Variants in GPBP1L1 observed in about 807,000 individuals in gnomAD.
GPBP1L1 encodes GC-rich promoter binding protein 1 like 1, also known as vasculin-like protein 1.
A neutral mutation model predicts 52.5 loss-of-function variants in GPBP1L1; 23 were observed. The ratio of observed to expected loss-of-function variants is 0.44; its 90% CI spans 0.32 to 0.62. The LOEUF (loss-of-function observed/expected upper bound fraction) is 0.62, where lower values mean the gene tolerates loss of function less well. GPBP1L1 is among the 20% of genes least tolerant of loss of function. The pLI is 0.06. For synonymous variants in GPBP1L1, 243 were observed against 203.1 expected, an observed-to-expected ratio of 1.20 and a Z score of -1.67; for missense variants, 596 against 579.3, an observed-to-expected ratio of 1.03 and a Z score of -0.30.
At chr1:45,652,007 G>C (rs1428232192) in intron 6 of GPBP1L1, among the ~76,000 whole-genome samples, 1 of 152,168 alleles carries the variant, frequency 6.6e-6, no homozygotes, top group Non-Finnish European at 1.5e-5. Context: ...ATTTGCTATA[G>C]AGTAGTAAAA....
chr1:45,633,764 C>T (rs1203122223), intron 9 of GPBP1L1, 117 bp from the exon 10 acceptor site: 201 of 1,076,550 alleles, frequency 1.9e-4, no homozygotes, highest in Non-Finnish European at 1.1e-4. Flanking sequence ...TGTCTTAAAC[C>T]AAACAATCCT....
intron 2 of GPBP1L1, among the ~76,000 whole-genome samples, chr1:45,665,577 C>T (rs887967428): frequency 5.9e-5 from 9 of 151,694 alleles, no homozygotes; most frequent in African/African-American, 1.9e-4. Flanking sequence ...CCTGTCTCTG[C>T]TAAAAATACA....
At position 45,640,447 on chromosome 1, in the gene GPBP1L1, T is replaced by C. The variant is rs1363903167; in HGVS notation, c.551-44A>G. Reference sequence around the variant, plus strand: ...GAGAGACAACAGAATGTCAAACCTGTTGTGTAACATGAAGCATAGTTTATA... The same window carrying C: ...GAGAGACAACAGAATGTCAAACCTGCTGTGTAACATGAAGCATAGTTTATA... On this transcript the variant is annotated intron_variant, in intron 7 of 12. Transcript: ENST00000355105. 4 of 1,495,614 alleles carry C rather than the reference T, an allele frequency of 2.7e-6. No individual in the cohort carries two copies. In the Admixed American group the frequency reaches 6.7e-5, roughly 25 times the overall value. 92.6% of individuals were successfully genotyped at this position (1,495,614 alleles called of 1,614,324 possible).
chr1:45,675,286 ACT>A (rs1326369524), intron 2 of GPBP1L1, among the ~76,000 whole-genome samples: 1 of 151,968 alleles, frequency 6.6e-6, no homozygotes, highest in African/African-American at 2.4e-5. Context: ...ACAGAGCGAG[ACT>A]CTGTCTCAAA....
intron 2 of GPBP1L1, among the ~76,000 whole-genome samples, chr1:45,669,618 C>A (rs908608733): frequency 9.8e-6 from 1 of 102,490 alleles, no homozygotes; most frequent in Admixed American, 8.9e-5. Flanking sequence ...TTGGGTATGA[C>A]CCCCCCTCCA....
At position 45,660,817 on chromosome 1, in the gene GPBP1L1, T is replaced by G. The variant is rs1478546999; in HGVS notation, c.-689A>C. 6.6e-6 allele frequency: 1 copy of G among 152,232 alleles called. No homozygotes were observed. The highest frequency in any genetic ancestry group is 2.4e-5 in the African/African-American group (1 of 41,424). The allele number at this position is 152,232 out of a possible 1,614,324, so 9.4% of individuals were successfully genotyped here. A position where few individuals can be genotyped will look rare whatever the true frequency, so the allele number is the denominator to read the frequency against. ...AACCTTCAAAATCTAGGGACATAAA[T>G]CTTGTCTTTGTTAAAAAAAAATAAA... On this transcript the variant is annotated 5_prime_UTR_variant, in exon 3 of 13. Transcript: ENST00000355105.
chr1:45,634,193 G>A lies in GPBP1L1; in HGVS notation c.788C>T (p.Ser263Phe). ...AGCAGACTCCCGGCTAGAGGAAAGG[G>A]ATCCTGACTTGTGCTCCATCCTGTT... ...KANRMEHKSG[S>F]LSSSRESAFT... The change falls in exon 9 of 13, where the codon TCC becomes TTC. Residue 263 changes from serine to phenylalanine, a missense_variant. By Grantham distance (155) the Ser-to-Phe change is radical (BLOSUM62 -2). Transcript: ENST00000355105. The A allele has an allele frequency of 5.0e-6, 8 of 1,613,816 alleles. No homozygotes were observed. Among genetic ancestry groups the A allele is most frequent in the Non-Finnish European group, 6.8e-6 (8 of 1,179,790 alleles).
chr1:45,670,939 C>A (rs1172529670), intron 2 of GPBP1L1, among the ~76,000 whole-genome samples: 1 of 151,220 alleles, frequency 6.6e-6, no homozygotes, highest in East Asian at 2.0e-4. Context: ...ACTACAGGCG[C>A]CCGCCACCAC....
chr1:45,630,180 ACCTTGACTGATCCAC>A (rs1443992478), intron 11 of GPBP1L1, among the ~76,000 whole-genome samples: 3 of 152,246 alleles, frequency 2.0e-5, no homozygotes, highest in African/African-American at 7.2e-5. Flanking sequence ...CAAACTCTTG[ACCTTGACTGATCCAC>A]CCACCTCAGC....
intron 2 of GPBP1L1, among the ~76,000 whole-genome samples, chr1:45,668,846 G>A (rs546279421): frequency 4.1e-5 from 5 of 123,006 alleles, no homozygotes; most frequent in South Asian, 5.6e-4. Context: ...GGTGGTGGGC[G>A]CCTACTTGGG....
intron 5 of GPBP1L1, 113 bp downstream of exon 5, chr1:45,655,077 G>GAA: frequency 7.3e-7 from 1 of 1,373,284 alleles, no homozygotes; most frequent in Non-Finnish European, 1.0e-6. Context: ...GAATCTAAAT[G>GAA]AAAACTATGT....
At chr1:45,662,335 G>A (rs568328741) in intron 2 of GPBP1L1, among the ~76,000 whole-genome samples, 25 of 152,242 alleles carry the variant, frequency 1.6e-4, no homozygotes, top group African/African-American at 6.0e-4. Flanking sequence ...TGTAGACACA[G>A]GATCTCACTG....
intron 11 of GPBP1L1, among the ~76,000 whole-genome samples, chr1:45,630,095 C>T (rs935431272): frequency 2.0e-5 from 3 of 152,028 alleles, no homozygotes; most frequent in Non-Finnish European, 2.9e-5. Context: ...GAATTACAGG[C>T]GCACACTACC....
chr1:45,670,787 C>CT (rs1157864588), intron 2 of GPBP1L1, among the ~76,000 whole-genome samples: 2,062 of 111,186 alleles, frequency 0.019, 61 homozygotes, highest in African/African-American at 0.023. Flanking sequence ...TACCATATGT[C>CT]TTTTTTTTTT....
At chr1:45,657,062 T>C (rs1569835385) in intron 4 of GPBP1L1, among the ~76,000 whole-genome samples, 1 of 152,186 alleles carries the variant, frequency 6.6e-6, no homozygotes, top group Non-Finnish European at 1.5e-5. Flanking sequence ...GGGCTTTGCT[T>C]ATTATAGTTT....
At chr1:45,635,672 G>T (rs1644585027) in intron 8 of GPBP1L1, 2 of 152,128 alleles carry the variant, frequency 1.3e-5, no homozygotes, top group Admixed American at 1.3e-4. Flanking sequence ...CCATTAAAGT[G>T]AATTGTATAA....
intron 2 of GPBP1L1, among the ~76,000 whole-genome samples, chr1:45,665,002 A>C (rs1327562518): frequency 6.6e-6 from 1 of 151,806 alleles, no homozygotes; most frequent in Non-Finnish European, 1.5e-5. Context: ...AAAAAGATGA[A>C]AGATGGCCGG....
chr1:45,646,560 ATT>A lies in GPBP1L1; in HGVS notation c.478-4063_478-4062del, dbSNP rs199539916. Among the ~76,000 whole-genome samples, 89 of 144,896 alleles carry A rather than the reference ATT, an allele frequency of 6.1e-4. No homozygotes were observed. In the East Asian group the frequency reaches 0.014, roughly 22 times the overall value. On this transcript the variant is annotated intron_variant, in intron 6 of 12. Transcript: ENST00000355105. ...ATGTTCCTGAATTATACTTTTCAGT[ATT>A]TTTTTTTTTTTTGAGACGGAGTCTC...
chr1:45,686,757 TTCGCCGCTTGAGGCGGCGCATGGTCACC>T (rs1645294267), upstream of GPBP1L1: 1 of 152,340 alleles, frequency 6.6e-6, no homozygotes, highest in African/African-American at 2.4e-5. Context: ...GGCTCCCTTC[TTCGCCGCTTGAGGCGGCGCATGGTCACC>T]TCTGCCCCCT....
Sources: allele counts gnomAD v4.1 joint callset (sites outside exome capture counted in the v4.1 genomes callset), GRCh38; gene constraint gnomAD v4.1.1; transcripts MANE v1.5; gene names NCBI Gene and HGNC (gene_info 2026-07-23, HGNC 2026-07-21).